MAGI2: variants seen among roughly 807,000 people sequenced by gnomAD.
MAGI2 encodes membrane-associated guanylate kinase, WW and PDZ domain-containing protein 2.
A neutral mutation model predicts 133.3 loss-of-function variants in MAGI2; 35 were observed. The observed-to-expected ratio is 0.26, with a 90% confidence interval of 0.20 to 0.35. MAGI2 has a LOEUF of 0.35. Ranked by LOEUF, MAGI2 falls within the 10% of genes least tolerant of loss-of-function variation. The probability of loss-of-function intolerance (pLI) is 1.00; values close to 1 mark genes in which losing one functional copy is unlikely to be tolerated. For synonymous variants in MAGI2, 729 were observed against 710.6 expected, an observed-to-expected ratio of 1.03 and a Z score of -0.41; for missense variants, 1,636 against 1,863.4, an observed-to-expected ratio of 0.88 and a Z score of 2.25.
At chr7:79,137,994 G>A (rs1158196904) in intron 1 of MAGI2, among the ~76,000 whole-genome samples, 2 of 152,166 alleles carry the variant, frequency 1.3e-5, no homozygotes, top group African/African-American at 4.8e-5. Context: ...AGGTTGAAAT[G>A]ATGAGCTTTG....
intron 4 of MAGI2, among the ~76,000 whole-genome samples, chr7:78,515,710 G>C (rs995428278): frequency 6.6e-6 from 1 of 152,154 alleles, no homozygotes; most frequent in South Asian, 2.1e-4. Flanking sequence ...AGACCAGCCT[G>C]ACCAAATGGA....
At chr7:79,342,735 CTTATT>C (rs1840993230) in intron 1 of MAGI2, among the ~76,000 whole-genome samples, 2 of 140,018 alleles carry the variant, frequency 1.4e-5, no homozygotes, top group Admixed American at 1.5e-4. Context: ...AGCACTTTAT[CTTATT>C]TTATTTATTT....
At chr7:79,299,705 T>C (rs1168343306) in intron 1 of MAGI2, among the ~76,000 whole-genome samples, 4 of 152,028 alleles carry the variant, frequency 2.6e-5, no homozygotes, top group African/African-American at 9.7e-5. Flanking sequence ...ATCAGTGATA[T>C]CATTTGGATA....
intron 3 of MAGI2, among the ~76,000 whole-genome samples, chr7:78,574,628 G>A (rs1802076537): frequency 1.3e-5 from 2 of 152,154 alleles, no homozygotes; most frequent in Non-Finnish European, 2.9e-5. Flanking sequence ...ATAAGTATTA[G>A]AGTACATAAT....
At position 79,130,154 on chromosome 7, in the gene MAGI2, CA is replaced by C. The variant is rs370367894; in HGVS notation, c.302-122949del. On this transcript the variant is annotated intron_variant, in intron 1 of 21. Coordinates refer to ENST00000354212, the MANE Select transcript of MAGI2 (RefSeq NM_012301.4). ...CCCTCACTTTGTTAGACTCTCTCTA[CA>C]AAAAAAAAAAAAAAAATTAGCTGGC... Among the ~76,000 whole-genome samples the C allele has an allele frequency of 8.5e-3, 1,022 of 120,388 alleles. 13 individuals are homozygous for C. The highest frequency in any genetic ancestry group is 0.032 in the African/African-American group (895 of 28,190). 79.0% of individuals were successfully genotyped at this position (120,388 alleles called of 152,430 possible).
intron 2 of MAGI2, among the ~76,000 whole-genome samples, chr7:78,687,812 T>C (rs1816500881): frequency 1.3e-5 from 2 of 150,374 alleles, no homozygotes; most frequent in Admixed American, 6.6e-5. Context: ...CTACTAAAAA[T>C]ACAAAAATTA....
chr7:78,644,111 C>A (rs4730424), intron 2 of MAGI2, among the ~76,000 whole-genome samples: 9,270 of 151,846 alleles, frequency 0.061, 399 homozygotes, highest in Non-Finnish European at 0.086. Context: ...ATAAAGGAGT[C>A]AATTCCTTAA....
chr7:79,267,131 T>C (rs1040466634), intron 1 of MAGI2, among the ~76,000 whole-genome samples: 7 of 152,126 alleles, frequency 4.6e-5, no homozygotes, highest in Non-Finnish European at 1.0e-4. Flanking sequence ...TTTCCCGAAA[T>C]GTACCCCTGC....
At chr7:78,271,716 T>C (rs1260175096) in intron 9 of MAGI2, among the ~76,000 whole-genome samples, 1 of 152,236 alleles carries the variant, frequency 6.6e-6, no homozygotes, top group African/African-American at 2.4e-5. Context: ...TATCCATTTC[T>C]TCTAGATTTT....
At chr7:79,339,918 C>T (rs1045515651) in intron 1 of MAGI2, among the ~76,000 whole-genome samples, 1 of 151,932 alleles carries the variant, frequency 6.6e-6, no homozygotes, top group Non-Finnish European at 1.5e-5. Flanking sequence ...TTTTGGTTGG[C>T]CATTTAAAAG....
chr7:78,364,639 G>A (rs767422067), intron 7 of MAGI2, among the ~76,000 whole-genome samples: 1 of 152,156 alleles, frequency 6.6e-6, no homozygotes, highest in Non-Finnish European at 1.5e-5. Flanking sequence ...GCCAGAGAAG[G>A]CAGCTTTGCA....
At chr7:79,105,834 T>A (rs1818407387) in intron 1 of MAGI2, among the ~76,000 whole-genome samples, 1 of 146,684 alleles carries the variant, frequency 6.8e-6, no homozygotes, top group Non-Finnish European at 1.5e-5. Context: ...GTTCACCTGG[T>A]TTTTTTTTTC....
At chr7:78,668,737 C>T (rs1322244783) in intron 2 of MAGI2, among the ~76,000 whole-genome samples, 2 of 151,754 alleles carry the variant, frequency 1.3e-5, no homozygotes, top group Non-Finnish European at 2.9e-5. Context: ...GACCACAGTG[C>T]AATCAAAGTA....
chr7:78,938,433 T>A (rs190922026), intron 2 of MAGI2, among the ~76,000 whole-genome samples: 1 of 152,146 alleles, frequency 6.6e-6, no homozygotes, highest in East Asian at 1.9e-4. Flanking sequence ...GTCCTATCTA[T>A]GATGCATATA....
At chr7:79,024,315 C>G (rs1339026751) in intron 1 of MAGI2, among the ~76,000 whole-genome samples, 1 of 152,038 alleles carries the variant, frequency 6.6e-6, no homozygotes, top group East Asian at 1.9e-4. Context: ...TTCCTTACAC[C>G]ATATACAAAA....
chr7:79,127,710 G>A (rs918905242), intron 1 of MAGI2, among the ~76,000 whole-genome samples: 3 of 152,174 alleles, frequency 2.0e-5, no homozygotes, highest in African/African-American at 7.2e-5. Context: ...CCCTTTGTCA[G>A]ATGAGTAGGT....
At chr7:79,016,848 C>T (rs1420762842) in intron 1 of MAGI2, among the ~76,000 whole-genome samples, 1 of 152,216 alleles carries the variant, frequency 6.6e-6, no homozygotes, top group African/African-American at 2.4e-5. Context: ...ACTGATCTGC[C>T]CCCAACCCCA....
chr7:78,497,722 T>TTCTA (rs71517019), intron 5 of MAGI2, among the ~76,000 whole-genome samples: 25,124 of 97,046 alleles, frequency 0.26, 2,612 homozygotes, highest in Middle Eastern at 0.32. Context: ...GAAATAACTA[T>TTCTA]TCTATCTATC....
intron 9 of MAGI2, among the ~76,000 whole-genome samples, chr7:78,313,446 T>C (rs1798891893): frequency 1.3e-5 from 2 of 152,148 alleles, no homozygotes; most frequent in African/African-American, 4.8e-5. Context: ...ATTCTATCAT[T>C]GTGGTTGTCA....
Sources: gnomAD v4.1 joint callset for allele counts (sites outside exome capture counted in the v4.1 genomes callset) on GRCh38, gnomAD v4.1.1 for gene constraint, MANE v1.5 for transcripts, NCBI Gene and HGNC (gene_info 2026-07-23, HGNC 2026-07-21) for gene names.